NCAPH: variants seen among roughly 807,000 people sequenced by gnomAD.
The protein encoded by NCAPH is condensin complex subunit 2.
NCAPH carries 38 observed loss-of-function variants against 85.5 expected under a neutral mutation model. The ratio of observed to expected loss-of-function variants is 0.44; its 90% CI spans 0.34 to 0.58. The LOEUF is 0.58. NCAPH is among the 20% of genes least tolerant of loss of function. The probability of loss-of-function intolerance (pLI) is 0.01; values close to 1 mark genes in which losing one functional copy is unlikely to be tolerated. For synonymous variants in NCAPH, 301 were observed against 335.1 expected (o/e 0.90, Z 1.11); for missense variants, 789 against 916.6 (o/e 0.86, Z 1.80).
chr2:96,361,819 TATATATA>T (rs1463046048), intron 12 of NCAPH, among the ~76,000 whole-genome samples: 6 of 59,736 alleles, frequency 1.0e-4, no homozygotes, highest in African/African-American at 2.6e-4. Flanking sequence ...TATATATATA[TATATATA>T]TATTTTTTTT....
chr2:96,345,375 A>G (rs1441674977), intron 6 of NCAPH, among the ~76,000 whole-genome samples: 1 of 152,200 alleles, frequency 6.6e-6, no homozygotes, highest in East Asian at 1.9e-4. Flanking sequence ...GAACGGGGGC[A>G]TGCTGGCTGG....
intron 6 of NCAPH, among the ~76,000 whole-genome samples, chr2:96,351,001 T>C (rs1280554170): frequency 2.6e-5 from 4 of 152,230 alleles, no homozygotes; most frequent in Non-Finnish European, 4.4e-5. Flanking sequence ...GCCATGCCAT[T>C]CCTGCTCCTG....
At chr2:96,344,968 T>C (rs2064343880) in intron 6 of NCAPH, among the ~76,000 whole-genome samples, 1 of 152,176 alleles carries the variant, frequency 6.6e-6, no homozygotes, top group Non-Finnish European at 1.5e-5. Flanking sequence ...ACTAATTTAC[T>C]CTCCCACTAG....
At chr2:96,361,778 ATATACACATATATATGTATATATATG>A in intron 12 of NCAPH, among the ~76,000 whole-genome samples, 1 of 135,156 alleles carries the variant, frequency 7.4e-6, no homozygotes, top group Non-Finnish European at 1.6e-5. Context: ...ACATATATAT[ATATACACATATATATGTATATATATG>A]TGTATATATA....
intron 1 of NCAPH, 119 bp downstream of exon 1, chr2:96,335,967 G>A: frequency 8.7e-7 from 1 of 1,145,392 alleles, no homozygotes. Flanking sequence ...CTCGGGTCTT[G>A]GCCCTGCGGC....
rs750734583 is a variant in NCAPH at position 96,341,904 on chromosome 2, T to C, written c.272+10T>C. 1.9e-6 allele frequency: 3 copies of C among 1,607,006 alleles called. No homozygotes were observed. The highest frequency in any genetic ancestry group is 2.5e-6 in the Non-Finnish European group (3 of 1,177,682). On this transcript the variant is annotated intron_variant, in intron 2 of 17. Transcript: ENST00000240423. ...CCTCCCCCTCCAGCAGGTGAGGTGC[T>C]CCTGGGCTGTTTCTCCTTGAGGCAG...
chr2:96,347,072 C>G (rs1483263213), intron 6 of NCAPH, among the ~76,000 whole-genome samples: 1 of 152,070 alleles, frequency 6.6e-6, no homozygotes, highest in African/African-American at 2.4e-5. Flanking sequence ...CACAGATGGG[C>G]AGACAGTGGC....
intron 15 of NCAPH, 111 bp downstream of exon 15, chr2:96,367,484 C>A: frequency 2.8e-6 from 2 of 721,588 alleles, no homozygotes; most frequent in Non-Finnish European, 4.7e-6. Context: ...CAGAAATGTT[C>A]GTTCAAAAAT....
chr2:96,343,060 T>C, intron 4 of NCAPH, 106 bp from the exon 5 acceptor site: 1 of 1,468,492 alleles, frequency 6.8e-7, no homozygotes, highest in Non-Finnish European at 9.2e-7. Context: ...TCTTTGTCAT[T>C]GCTTCCTTGG....
intron 17 of NCAPH, among the ~76,000 whole-genome samples, chr2:96,370,886 A>G (rs1206583367): frequency 6.6e-6 from 1 of 152,154 alleles, no homozygotes; most frequent in African/African-American, 2.4e-5. Flanking sequence ...TAACCCAGGA[A>G]TGCTGAACTT....
chr2:96,359,483 C>T lies in NCAPH; in HGVS notation c.1357+290C>T, dbSNP rs1039652814. The T allele has an allele frequency of 7.4e-5, 29 of 394,326 alleles. No individual in the cohort carries two copies. The East Asian group carries it at 8.1e-4, about 11-fold the overall frequency. 24.4% of individuals were successfully genotyped at this position (394,326 alleles called of 1,614,324 possible). On this transcript the variant is annotated intron_variant, in intron 10 of 17. Coordinates refer to ENST00000240423, the MANE Select transcript of NCAPH (RefSeq NM_015341.5). ...TCCACATGACTTCACTCAGTGGTCA[C>T]GGGTGGGCATGACCCCCGGGCACTA...
At position 96,369,037 on chromosome 2, in the gene NCAPH, C is replaced by T. The variant is rs551087460; in HGVS notation, c.2064C>T (p.Ser688=). 5.1e-6 allele frequency: 8 copies of T among 1,555,818 alleles called. No individual in the cohort carries two copies. Among genetic ancestry groups the T allele is most frequent in the South Asian group, 4.7e-5 (4 of 84,266 alleles). The change falls in exon 16 of 18, where the codon AGC becomes AGT. Residue 688 remains serine (S), a synonymous_variant. Transcript: ENST00000240423. Reference sequence around the variant, plus strand: ...AAGTGGCTGACGAGAAGATGCTTAGCGGGCTCACGAAGGACCTGCAGAGGA... The same window carrying T: ...AAGTGGCTGACGAGAAGATGCTTAGTGGGCTCACGAAGGACCTGCAGAGGA... ...LAEVADEKML[S]GLTKDLQRSL...
intron 10 of NCAPH, 166 bp downstream of exon 10, chr2:96,359,359 C>A: frequency 1.3e-6 from 1 of 771,466 alleles, no homozygotes; most frequent in Non-Finnish European, 2.0e-6. Flanking sequence ...TTTGCCTGGC[C>A]TGGGATGAAG....
At chr2:96,347,903 T>G (rs2064382100) in intron 6 of NCAPH, among the ~76,000 whole-genome samples, 1 of 149,454 alleles carries the variant, frequency 6.7e-6, no homozygotes, top group African/African-American at 2.5e-5. Flanking sequence ...GGAAGGAGAG[T>G]CACTGAGAAT....
Position 96,360,612 on chromosome 2 carries a change from A to G in NCAPH, c.1489A>G (p.Thr497Ala). ...TKAATILTKSTLENQNWRATT... is the reference protein window; with the variant it reads ...TKAATILTKSALENQNWRATT... ...GGCTGCTACTATTCTGACCAAGTCC[A>G]CTTTGGAGAACCAGAATTGGAGAGC... The change falls in exon 12 of 18, where the codon ACT (threonine) becomes GCT (alanine). Residue 497 changes from threonine (T) to alanine (A), a missense_variant. Physicochemically the swap from Thr to Ala is moderately conservative, Grantham distance 58. Coordinates refer to ENST00000240423, the MANE Select transcript of NCAPH (RefSeq NM_015341.5). The G allele has an allele frequency of 6.2e-7, 1 of 1,614,176 alleles. No individual in the cohort carries two copies. Among genetic ancestry groups the G allele is most frequent in the Non-Finnish European group, 8.5e-7 (1 of 1,180,004 alleles).
chr2:96,336,429 G>C (rs2064215739), intron 1 of NCAPH, among the ~76,000 whole-genome samples: 1 of 152,140 alleles, frequency 6.6e-6, no homozygotes, highest in Non-Finnish European at 1.5e-5. Context: ...TCCGCCAGGG[G>C]TTCAGGGAAG....
intron 6 of NCAPH, among the ~76,000 whole-genome samples, chr2:96,350,632 G>A (rs2064427497): frequency 6.6e-6 from 1 of 152,138 alleles, no homozygotes; most frequent in Non-Finnish European, 1.5e-5. Flanking sequence ...CTAAAGGGAT[G>A]GGAGAATGTG....
Position 96,373,358 on chromosome 2 carries a change from T to G in NCAPH, c.*7T>G. On this transcript the variant is annotated 3_prime_UTR_variant, in exon 18 of 18. Transcript: ENST00000240423. ...TGTGAGGCAAGGAGATTGAGTTCACTATGGAGAAGTCAGCAGCAGGAGGCC... is the reference window on the plus strand; with the variant it reads ...TGTGAGGCAAGGAGATTGAGTTCACGATGGAGAAGTCAGCAGCAGGAGGCC... 1 of 1,612,818 alleles carries G rather than the reference T, an allele frequency of 6.2e-7. No homozygotes were observed. The highest frequency in any genetic ancestry group is 8.5e-7 in the Non-Finnish European group (1 of 1,179,058).
chr2:96,336,023 C>G (rs952197130), intron 1 of NCAPH, among the ~76,000 whole-genome samples, 175 bp downstream of exon 1: 1 of 151,792 alleles, frequency 6.6e-6, no homozygotes, highest in Non-Finnish European at 1.5e-5. Flanking sequence ...CGGCGCGGGG[C>G]GGGCGGACCT....
Sources: allele counts gnomAD v4.1 joint callset (sites outside exome capture counted in the v4.1 genomes callset), GRCh38; gene constraint gnomAD v4.1.1; transcripts MANE v1.5; gene names NCBI Gene and HGNC (gene_info 2026-07-23, HGNC 2026-07-21).